The following TNIK variants were observed in gnomAD, a reference collection of about 807,000 sequenced individuals.
TNIK encodes the protein TRAF2 and NCK interacting kinase, also known as TRAF2 and NCK-interacting protein kinase.
Under a neutral mutation model 191.3 loss-of-function variants are expected in TNIK, and 49 were observed. The observed-to-expected ratio is 0.26, with a 90% CI of 0.20 to 0.32. TNIK has a LOEUF of 0.32. TNIK is among the 10% of genes least tolerant of loss of function. The pLI is 1.00. For missense variants in TNIK, 1,155 were observed against 1,702.3 expected, an observed-to-expected ratio of 0.68 and a Z score of 5.66; for synonymous variants, 594 against 600.9, an observed-to-expected ratio of 0.99 and a Z score of 0.17.
At chr3:171,380,581 G>A (rs878929277) in intron 1 of TNIK, among the ~76,000 whole-genome samples, 1 of 152,238 alleles carries the variant, frequency 6.6e-6, no homozygotes, top group South Asian at 2.1e-4. Context: ...ATTACAGGCA[G>A]AGGTGAAACT....
chr3:171,190,626 A>AT (rs1317679192), intron 6 of TNIK, 71 bp downstream of exon 6: 2 of 1,207,598 alleles, frequency 1.7e-6, no homozygotes, highest in East Asian at 2.6e-5. Flanking sequence ...ATTAACATTA[A>AT]TTTTTTTAGA....
intron 2 of TNIK, among the ~76,000 whole-genome samples, chr3:171,362,508 T>C (rs534193797): frequency 1.3e-5 from 2 of 152,290 alleles, no homozygotes; most frequent in South Asian, 4.1e-4. Context: ...CAAAGACATG[T>C]GTTTCTAACT....
intron 3 of TNIK, among the ~76,000 whole-genome samples, chr3:171,213,530 G>C (rs545393188): frequency 7.3e-5 from 11 of 151,654 alleles, no homozygotes; most frequent in South Asian, 2.1e-4. Context: ...GACAGGGGAG[G>C]GGGGGACTGC....
At chr3:171,220,136 A>C (rs564873859) in intron 3 of TNIK, among the ~76,000 whole-genome samples, 5 of 152,252 alleles carry the variant, frequency 3.3e-5, no homozygotes, top group Non-Finnish European at 7.4e-5. Context: ...GCAAACTAAC[A>C]CAAGAACAGA....
intron 29 of TNIK, among the ~76,000 whole-genome samples, chr3:171,070,600 G>A (rs538017285): frequency 2.0e-5 from 3 of 152,160 alleles, no homozygotes; most frequent in Non-Finnish European, 4.4e-5. Context: ...AGCTTCATGA[G>A]CTGGGGTCAA....
intron 23 of TNIK, among the ~76,000 whole-genome samples, chr3:171,091,833 A>T (rs1161951363): frequency 6.6e-6 from 1 of 152,196 alleles, no homozygotes; most frequent in East Asian, 1.9e-4. Context: ...TTTGTTATTT[A>T]AAAAACCCAC....
At chr3:171,068,334 G>A (rs958991225) in intron 30 of TNIK, among the ~76,000 whole-genome samples, 4 of 152,298 alleles carry the variant, frequency 2.6e-5, no homozygotes, top group Middle Eastern at 3.4e-3. Flanking sequence ...GAGGATTGGA[G>A]AGGCTGCCTA....
intron 2 of TNIK, among the ~76,000 whole-genome samples, chr3:171,289,324 A>G (rs1225383764): frequency 1.3e-5 from 2 of 152,210 alleles, no homozygotes; most frequent in African/African-American, 4.8e-5. Flanking sequence ...ATACCTTTAA[A>G]AGGCTATGGT....
intron 9 of TNIK, among the ~76,000 whole-genome samples, chr3:171,170,881 T>G (rs1466270250): frequency 6.6e-6 from 1 of 152,168 alleles, no homozygotes; most frequent in Non-Finnish European, 1.5e-5. Flanking sequence ...CAAGACGGTC[T>G]CTTTATAAAC....
At chr3:171,400,700 C>T (rs1482283344) in intron 1 of TNIK, among the ~76,000 whole-genome samples, 7 of 152,040 alleles carry the variant, frequency 4.6e-5, no homozygotes, top group African/African-American at 1.7e-4. Flanking sequence ...CTTAATGTTG[C>T]TGAAAAATAT....
chr3:171,060,523 C>T lies in TNIK; in HGVS notation c.*3358G>A, dbSNP rs958932412. Among the ~76,000 whole-genome samples, 1 of 152,038 alleles carries T rather than the reference C, an allele frequency of 6.6e-6. No homozygotes were observed. Among genetic ancestry groups the T allele is most frequent in the Non-Finnish European group, 1.5e-5 (1 of 68,000 alleles). On this transcript the variant is annotated 3_prime_UTR_variant, in exon 33 of 33. Transcript: ENST00000436636. ...AGATTTCACCCATAACTTAATATAC[C>T]CTGTTTAATAAAAATAATAGTTCTA...
chr3:171,364,397 A>T (rs1715411441), intron 2 of TNIK, among the ~76,000 whole-genome samples: 1 of 152,024 alleles, frequency 6.6e-6, no homozygotes, highest in Non-Finnish European at 1.5e-5. Flanking sequence ...GATTTTGTTT[A>T]TTGCTTTTGT....
intron 2 of TNIK, among the ~76,000 whole-genome samples, chr3:171,249,290 G>T (rs968481692): frequency 6.6e-6 from 1 of 152,180 alleles, no homozygotes; most frequent in Non-Finnish European, 1.5e-5. Flanking sequence ...GATTTAGGAA[G>T]ATAAAGCAAT....
At chr3:171,287,146 ATGC>A (rs1472325740) in intron 2 of TNIK, among the ~76,000 whole-genome samples, 3 of 152,202 alleles carry the variant, frequency 2.0e-5, no homozygotes, top group African/African-American at 7.2e-5. Context: ...TGGGTATTAT[ATGC>A]TGCTGCAAAT....
intron 1 of TNIK, among the ~76,000 whole-genome samples, chr3:171,450,776 T>C (rs1301363895): frequency 6.6e-6 from 1 of 152,194 alleles, no homozygotes; most frequent in East Asian, 1.9e-4. Flanking sequence ...ATGAATTAAT[T>C]GCATTCACAC....
At chr3:171,096,581 A>C (rs1425828839) in intron 22 of TNIK, among the ~76,000 whole-genome samples, 1 of 152,166 alleles carries the variant, frequency 6.6e-6, no homozygotes, top group Non-Finnish European at 1.5e-5. Context: ...TGGTGACTTT[A>C]GCCTGCCCTC....
chr3:171,333,041 C>T (rs1377765055), intron 2 of TNIK, among the ~76,000 whole-genome samples: 1 of 152,096 alleles, frequency 6.6e-6, no homozygotes. Context: ...GCCAAAAGCA[C>T]AGTGATGTTC....
At chr3:171,201,211 C>A (rs1312726972) in intron 4 of TNIK, among the ~76,000 whole-genome samples, 1 of 152,068 alleles carries the variant, frequency 6.6e-6, no homozygotes, top group Non-Finnish European at 1.5e-5. Context: ...ACCAGCCTGA[C>A]CAACATGGAG....
intron 12 of TNIK, among the ~76,000 whole-genome samples, chr3:171,150,416 C>A (rs1224683561): frequency 1.3e-5 from 2 of 152,204 alleles, no homozygotes; most frequent in East Asian, 1.9e-4. Context: ...CACGTTCTCA[C>A]CCTTTTGGTG....
Sources: gnomAD v4.1 joint callset for allele counts (sites outside exome capture counted in the v4.1 genomes callset) on GRCh38, gnomAD v4.1.1 for gene constraint, MANE v1.5 for transcripts, NCBI Gene and HGNC (gene_info 2026-07-23, HGNC 2026-07-21) for gene names.